ARHGAP26: variants seen among roughly 807,000 people sequenced by gnomAD.
ARHGAP26 encodes Rho GTPase activating protein 26, also known as rho GTPase-activating protein 26.
ARHGAP26 carries 38 observed loss-of-function variants against 104.8 expected under a neutral mutation model. The ratio of observed to expected loss-of-function variants is 0.36; its 90% confidence interval spans 0.28 to 0.48. ARHGAP26 has a LOEUF of 0.48. ARHGAP26 is among the 20% of genes least tolerant of loss of function. ARHGAP26 has a pLI of 0.99. For synonymous variants in ARHGAP26, 341 were observed against 340.0 expected (o/e 1.00, Z -0.03); for missense variants, 704 against 947.9 (o/e 0.74, Z 3.38).
intron 11 of ARHGAP26, among the ~76,000 whole-genome samples, chr5:142,970,483 C>G (rs1375170798): frequency 3.3e-5 from 5 of 152,210 alleles, no homozygotes; most frequent in African/African-American, 1.2e-4. Flanking sequence ...CCATCCACTT[C>G]TGGCGGCTCC....
At chr5:143,159,598 C>T (rs528462402) in intron 20 of ARHGAP26, among the ~76,000 whole-genome samples, 6 of 152,288 alleles carry the variant, frequency 3.9e-5, no homozygotes, top group African/African-American at 1.2e-4. Context: ...AACATCTAGG[C>T]CCCTTCCCTG....
intron 11 of ARHGAP26, among the ~76,000 whole-genome samples, chr5:142,996,229 C>A (rs756582733): frequency 5.9e-5 from 9 of 152,300 alleles, no homozygotes; most frequent in African/African-American, 2.2e-4. Context: ...TGCAGTGGCT[C>A]ACACCTGTAA....
intron 20 of ARHGAP26, among the ~76,000 whole-genome samples, chr5:143,167,765 T>A (rs1168994521): frequency 6.6e-6 from 1 of 152,178 alleles, no homozygotes; most frequent in Non-Finnish European, 1.5e-5. Context: ...AGCAGCCGTG[T>A]TCTCCATCAC....
intron 18 of ARHGAP26, among the ~76,000 whole-genome samples, chr5:143,126,515 C>T (rs1438383231): frequency 2.0e-5 from 3 of 152,234 alleles, no homozygotes; most frequent in Non-Finnish European, 4.4e-5. Context: ...ACATCAAAAT[C>T]ACACATTAAA....
At chr5:143,023,471 A>G (rs3756387) in intron 12 of ARHGAP26, among the ~76,000 whole-genome samples, 37,977 of 152,136 alleles carry the variant, frequency 0.25, 8,523 homozygotes, top group African/African-American at 0.6. Flanking sequence ...GCCTTCAGCC[A>G]TTACCAAAAA....
chr5:143,182,212 A>G (rs1159059819), intron 20 of ARHGAP26, among the ~76,000 whole-genome samples: 1 of 151,094 alleles, frequency 6.6e-6, no homozygotes, highest in African/African-American at 2.5e-5. Flanking sequence ...CTGTTAACTC[A>G]TCTCAGCTAC....
chr5:142,895,885 T>C (rs1173113876), intron 6 of ARHGAP26, among the ~76,000 whole-genome samples: 1 of 152,208 alleles, frequency 6.6e-6, no homozygotes, highest in Admixed American at 6.5e-5. Context: ...TCTTTTACTA[T>C]GCTAGAACTA....
At chr5:142,911,803 A>G (rs1761870882) in intron 9 of ARHGAP26, among the ~76,000 whole-genome samples, 1 of 152,252 alleles carries the variant, frequency 6.6e-6, no homozygotes, top group Non-Finnish European at 1.5e-5. Context: ...CAGCAAAGTC[A>G]GAATCTCTTA....
chr5:142,770,571 G>A lies in ARHGAP26; in HGVS notation c.-191G>A. 1 of 242,296 alleles carries A rather than the reference G, an allele frequency of 4.1e-6. No homozygotes were observed. The highest frequency in any genetic ancestry group is 7.2e-6 in the Non-Finnish European group (1 of 139,186). 15.0% of individuals were successfully genotyped at this position (242,296 alleles called of 1,614,324 possible). A position where few individuals can be genotyped will look rare whatever the true frequency, so the allele number is the denominator to read the frequency against. ...CCCGCGCCCGGAACAGCAGCACCTC[G>A]GCCGGGTCCGAGCTCGGTTCGGGAG... On this transcript the variant is annotated 5_prime_UTR_variant, in exon 1 of 23. Coordinates refer to ENST00000645722, the MANE Select transcript of ARHGAP26 (RefSeq NM_001135608.3).
chr5:143,111,698 G>A (rs1289644845), intron 17 of ARHGAP26, among the ~76,000 whole-genome samples: 1 of 152,234 alleles, frequency 6.6e-6, no homozygotes, highest in Non-Finnish European at 1.5e-5. Context: ...AAGGATCCTG[G>A]TATAGTAGTG....
At position 142,858,075 on chromosome 5, in the gene ARHGAP26, G is replaced by T. The variant is rs543708794; in HGVS notation, c.155-15325G>T. ...AGAGAGAGAATCTGTGTGTGTGTGT[G>T]TGTGTGTGTGTGTGTGTGTGAGAGA... On this transcript the variant is annotated intron_variant, in intron 1 of 22. Coordinates refer to ENST00000645722, the MANE Select transcript of ARHGAP26 (RefSeq NM_001135608.3). Among the ~76,000 whole-genome samples the T allele has an allele frequency of 1.5e-4, 22 of 142,176 alleles. No individual in the cohort carries two copies. In the South Asian group the frequency reaches 4.7e-3, roughly 30 times the overall value. 93.3% of individuals were successfully genotyped at this position (142,176 alleles called of 152,430 possible).
intron 1 of ARHGAP26, among the ~76,000 whole-genome samples, chr5:142,847,800 T>C (rs993894576): frequency 6.6e-6 from 1 of 152,202 alleles, no homozygotes; most frequent in Admixed American, 6.5e-5. Flanking sequence ...ACTCCATGGA[T>C]GAGATGGCAT....
intron 20 of ARHGAP26, among the ~76,000 whole-genome samples, chr5:143,171,816 A>C (rs1472006926): frequency 1.3e-5 from 2 of 152,202 alleles, no homozygotes; most frequent in African/African-American, 4.8e-5. Flanking sequence ...TTGCAAGCCC[A>C]GTATTTATCT....
At chr5:143,153,476 A>G (rs939436865) in intron 20 of ARHGAP26, among the ~76,000 whole-genome samples, 3 of 152,198 alleles carry the variant, frequency 2.0e-5, no homozygotes, top group African/African-American at 7.2e-5. Flanking sequence ...CATCATGCCA[A>G]CTCCTTTCTG....
chr5:143,192,313 A>G (rs1024168062), intron 20 of ARHGAP26, among the ~76,000 whole-genome samples: 2 of 152,218 alleles, frequency 1.3e-5, no homozygotes, highest in African/African-American at 4.8e-5. Context: ...GGAAAGGGAA[A>G]GGCATTTCAG....
intron 11 of ARHGAP26, among the ~76,000 whole-genome samples, chr5:142,951,062 C>T (rs555860172): frequency 3.4e-5 from 5 of 147,516 alleles, no homozygotes; most frequent in South Asian, 4.5e-4. Flanking sequence ...CCCCTTCCCC[C>T]TCCCCTTCCC....
intron 11 of ARHGAP26, among the ~76,000 whole-genome samples, chr5:142,987,299 C>T (rs1245254915): frequency 6.8e-6 from 1 of 146,948 alleles, no homozygotes; most frequent in Non-Finnish European, 1.5e-5. Flanking sequence ...CTCTGTTTGC[C>T]TGTTATTGGT....
intron 12 of ARHGAP26, among the ~76,000 whole-genome samples, chr5:143,021,642 T>C (rs1298632830): frequency 6.6e-6 from 1 of 152,236 alleles, no homozygotes; most frequent in Non-Finnish European, 1.5e-5. Context: ...TTCCATTTCC[T>C]CTTCTGTAAA....
At chr5:142,976,419 C>T (rs191527111) in intron 11 of ARHGAP26, among the ~76,000 whole-genome samples, 1 of 152,324 alleles carries the variant, frequency 6.6e-6, no homozygotes, top group Admixed American at 6.5e-5. Flanking sequence ...CTCTTGATCC[C>T]TATTTGGCCC....
Sources: allele counts gnomAD v4.1 joint callset (sites outside exome capture counted in the v4.1 genomes callset), GRCh38; gene constraint gnomAD v4.1.1; transcripts MANE v1.5; gene names NCBI Gene and HGNC (gene_info 2026-07-23, HGNC 2026-07-21).